The following UBE2W variants were observed in gnomAD, a reference collection of about 807,000 sequenced individuals.
UBE2W encodes ubiquitin conjugating enzyme E2 W.
Under a neutral mutation model 27.2 loss-of-function variants are expected in UBE2W, and 18 were observed. The ratio of observed to expected loss-of-function variants is 0.66; its 90% CI spans 0.46 to 0.98. The LOEUF is 0.98. Ranked by LOEUF, UBE2W falls within the 50% of genes least tolerant of loss-of-function variation. UBE2W has a pLI of 0.00. For missense variants in UBE2W, 90 were observed against 180.2 expected (o/e 0.50, Z 2.87); for synonymous variants, 53 against 57.2 (o/e 0.93, Z 0.33).
intron 1 of UBE2W, among the ~76,000 whole-genome samples, chr8:73,867,343 T>C (rs1811820103): frequency 6.6e-6 from 1 of 152,162 alleles, no homozygotes; most frequent in African/African-American, 2.4e-5. Context: ...GAGACTATCC[T>C]GGCCAACACG....
chr8:73,805,506 A>G (rs1808864673), intron 5 of UBE2W, 145 bp downstream of exon 5: 1 of 311,686 alleles, frequency 3.2e-6, no homozygotes, highest in Admixed American at 5.2e-5. Context: ...CATTAAATAT[A>G]TTAGAATATT....
At chr8:73,870,246 T>C (rs376572689) in intron 1 of UBE2W, 128 of 1,581,480 alleles carry the variant, frequency 8.1e-5, no homozygotes, top group East Asian at 5.7e-4. Context: ...TTGAAGAGGA[T>C]TGGCAAAAAA....
At chr8:73,824,535 T>C (rs1809749674) in intron 3 of UBE2W, among the ~76,000 whole-genome samples, 1 of 152,206 alleles carries the variant, frequency 6.6e-6, no homozygotes, top group Admixed American at 6.5e-5. Context: ...TGTCAACTTC[T>C]CCGATGGCCT....
intron 1 of UBE2W, among the ~76,000 whole-genome samples, chr8:73,861,437 G>A (rs1322337013): frequency 6.6e-6 from 1 of 152,080 alleles, no homozygotes; most frequent in African/African-American, 2.4e-5. Flanking sequence ...TCTTGGTACG[G>A]GGCCCTGATA....
chr8:73,875,291 T>C (rs749562749), intron 1 of UBE2W, among the ~76,000 whole-genome samples: 4 of 152,168 alleles, frequency 2.6e-5, no homozygotes, highest in Non-Finnish European at 4.4e-5. Flanking sequence ...CCCGGGAGTT[T>C]CATGAGGTGC....
In UBE2W at chr8:73,790,196, G is replaced by C. The variant is rs1344118461; in HGVS notation, c.*3906C>G. Reference sequence around the variant, plus strand: ...TCCCTAACCTCAGAAAAAAAAAAGAGAGAATAAATTAGAAGTGAGAAAAGG... The same window carrying C: ...TCCCTAACCTCAGAAAAAAAAAAGACAGAATAAATTAGAAGTGAGAAAAGG... On this transcript the variant is annotated 3_prime_UTR_variant, in exon 6 of 6. Coordinates refer to ENST00000602593, the MANE Select transcript of UBE2W (RefSeq NM_018299.6). 1.0e-6 allele frequency: 1 copy of C among 984,710 alleles called. No homozygotes were observed. Among genetic ancestry groups the C allele is most frequent in the African/African-American group, 1.7e-5 (1 of 57,144 alleles). 61.0% of individuals were successfully genotyped at this position (984,710 alleles called of 1,614,324 possible).
rs1001752335 is a variant in UBE2W, at chr8:73,786,335, T to C, written c.*7767A>G. The C allele has an allele frequency of 1.0e-5, 10 of 985,336 alleles. No individual in the cohort carries two copies. Among genetic ancestry groups the C allele is most frequent in the African/African-American group, 1.7e-5 (1 of 57,248 alleles). 61.0% of individuals were successfully genotyped at this position (985,336 alleles called of 1,614,324 possible). ...GTGGTTCTGGATATATGTTTCAAAA[T>C]AGCTAGCACCTAAGTTTCTTTGAGA... On this transcript the variant is annotated 3_prime_UTR_variant, in exon 6 of 6. Transcript: ENST00000602593.
In UBE2W at chr8:73,787,937, G is replaced by A. The variant is rs1808027531; in HGVS notation, c.*6165C>T. 1.0e-6 allele frequency: 1 copy of A among 985,168 alleles called. No individual in the cohort carries two copies. The highest frequency in any genetic ancestry group is 1.2e-6 in the Non-Finnish European group (1 of 829,854). 61.0% of individuals were successfully genotyped at this position (985,168 alleles called of 1,614,324 possible). On this transcript the variant is annotated 3_prime_UTR_variant, in exon 6 of 6. Transcript: ENST00000602593. The stretch of plus-strand genomic sequence containing the variant: ...GCTACATATTACATAAAGGTGATGT[G>A]TTAAATAGATGGTTTAAGTGACTAT...
rs1172360930 is a variant in UBE2W at position 73,786,867 on chromosome 8, AATTAT to A, written c.*7230_*7234del. 4 of 985,434 alleles carry A rather than the reference AATTAT, an allele frequency of 4.1e-6. No homozygotes were observed. The African/African-American group carries it at 7.0e-5, about 17-fold the overall frequency. The allele number at this position is 985,434 out of a possible 1,614,324, so 61.0% of individuals were successfully genotyped here. A position where few individuals can be genotyped will look rare whatever the true frequency, so the allele number is the denominator to read the frequency against. Reference sequence around the variant, plus strand: ...ATTAAGTTGGATGGGAATGTCATTAAATTATAACAGGATAAAAGAAATATGTTTTC... The same window carrying A: ...ATTAAGTTGGATGGGAATGTCATTAAAACAGGATAAAAGAAATATGTTTTC... On this transcript the variant is annotated 3_prime_UTR_variant, in exon 6 of 6. Transcript: ENST00000602593.
At chr8:73,877,987 A>C (rs148928507) in intron 1 of UBE2W, among the ~76,000 whole-genome samples, 3 of 151,996 alleles carry the variant, frequency 2.0e-5, no homozygotes, top group Admixed American at 6.6e-5. Context: ...GGTTCCACTA[A>C]AGGTCTGGGA....
chr8:73,849,783 T>C (rs1324451891), intron 1 of UBE2W, among the ~76,000 whole-genome samples: 1 of 151,898 alleles, frequency 6.6e-6, no homozygotes, highest in Non-Finnish European at 1.5e-5. Context: ...TTAAAAGATA[T>C]TACTAAAATG....
chr8:73,819,652 A>G (rs1439508206), intron 3 of UBE2W, among the ~76,000 whole-genome samples: 1 of 152,238 alleles, frequency 6.6e-6, no homozygotes, highest in Non-Finnish European at 1.5e-5. Context: ...AGTGATGAAA[A>G]GATGCCTCAT....
At chr8:73,781,637 T>A (rs539018562), downstream of UBE2W, among the ~76,000 whole-genome samples, 6 of 151,052 alleles carry the variant, frequency 4.0e-5, no homozygotes, top group East Asian at 3.9e-4. Context: ...TTTTTTTTTT[T>A]ATTTTTAAAC....
chr8:73,863,418 G>C (rs1332529126), intron 1 of UBE2W, among the ~76,000 whole-genome samples: 1 of 149,168 alleles, frequency 6.7e-6, no homozygotes, highest in Non-Finnish European at 1.5e-5. Flanking sequence ...TCACACTCTG[G>C]GGACTGTGGT....
At chr8:73,869,552 G>A (rs1354947348) in intron 1 of UBE2W, among the ~76,000 whole-genome samples, 1 of 152,166 alleles carries the variant, frequency 6.6e-6, no homozygotes, top group Non-Finnish European at 1.5e-5. Context: ...TTAGCTGGGT[G>A]TGGTGGCGCA....
intron 1 of UBE2W, among the ~76,000 whole-genome samples, chr8:73,846,979 A>C (rs1174679771): frequency 6.6e-6 from 1 of 152,056 alleles, no homozygotes; most frequent in Non-Finnish European, 1.5e-5. Flanking sequence ...TTGAGACCAT[A>C]CCGGCTAACA....
chr8:73,793,577 G>A lies in UBE2W; in HGVS notation c.*525C>T. ...TCATGCTGTTAACCTTAGGATCACA[G>A]TGCATAGAATCCAAATATAAACAGT... On this transcript the variant is annotated 3_prime_UTR_variant, in exon 6 of 6. Coordinates refer to ENST00000602593, the MANE Select transcript of UBE2W (RefSeq NM_018299.6). 5 of 985,952 alleles carry A rather than the reference G, an allele frequency of 5.1e-6. No individual in the cohort carries two copies. Among genetic ancestry groups the A allele is most frequent in the Non-Finnish European group, 6.0e-6 (5 of 830,022 alleles). 61.1% of individuals were successfully genotyped at this position (985,952 alleles called of 1,614,324 possible). A position where few individuals can be genotyped will look rare whatever the true frequency, so the allele number is the denominator to read the frequency against.
At chr8:73,832,054 T>G (rs1185609392) in intron 1 of UBE2W, 1 of 151,424 alleles carries the variant, frequency 6.6e-6, no homozygotes, top group Non-Finnish European at 1.5e-5. Flanking sequence ...GGAAAATGCT[T>G]GAGCCCAGCA....
intron 1 of UBE2W, among the ~76,000 whole-genome samples, chr8:73,851,839 G>GATAGTGTTCTTAACTATAAAAGAAAT (rs1811091714): frequency 6.6e-6 from 1 of 151,556 alleles, no homozygotes. Flanking sequence ...CTGGATCAAT[G>GATAGTGTTCTTAACTATAAAAGAAAT]ACAGGAAGAA....
Sources: gnomAD v4.1 joint callset for allele counts (sites outside exome capture counted in the v4.1 genomes callset) on GRCh38, gnomAD v4.1.1 for gene constraint, MANE v1.5 for transcripts, NCBI Gene and HGNC (gene_info 2026-07-23, HGNC 2026-07-21) for gene names.